The following CCDC30 variants were observed in gnomAD, a reference collection of about 807,000 sequenced individuals.
CCDC30 encodes the protein coiled-coil domain containing 30.
CCDC30 carries 70 observed loss-of-function variants against 100.2 expected under a neutral mutation model. That is an observed-to-expected ratio of 0.70 (90% CI 0.58 to 0.85). The LOEUF is 0.85. Ranked by LOEUF, CCDC30 falls within the 40% of genes least tolerant of loss-of-function variation. The pLI is 0.00. For synonymous variants in CCDC30, 233 were observed against 269.5 expected (o/e 0.86, Z 1.33); for missense variants, 652 against 771.2 (o/e 0.85, Z 1.83).
intron 1 of CCDC30, among the ~76,000 whole-genome samples, chr1:42,468,236 T>C (rs1643654850): frequency 6.6e-6 from 1 of 152,184 alleles, no homozygotes; most frequent in Admixed American, 6.5e-5. Flanking sequence ...TAAAACAATC[T>C]ATAACTGGTG....
At chr1:42,509,538 G>T (rs1186496192) in intron 6 of CCDC30, among the ~76,000 whole-genome samples, 2 of 152,108 alleles carry the variant, frequency 1.3e-5, no homozygotes, top group Non-Finnish European at 2.9e-5. Context: ...CAATGGTGGG[G>T]ACTAAAACAA....
At chr1:42,499,393 G>A (rs1207402681) in intron 6 of CCDC30, among the ~76,000 whole-genome samples, 16 of 152,102 alleles carry the variant, frequency 1.1e-4, no homozygotes, top group Admixed American at 9.8e-4. Flanking sequence ...ATTTATATAT[G>A]TTCTTTTGTG....
chr1:42,621,613 G>A (rs550331252), intron 11 of CCDC30, among the ~76,000 whole-genome samples: 3 of 152,132 alleles, frequency 2.0e-5, no homozygotes, highest in East Asian at 3.9e-4. Flanking sequence ...CCGGGTTCAC[G>A]CCATTCTCCT....
chr1:42,501,096 TTATC>T (rs1314942470), intron 6 of CCDC30, among the ~76,000 whole-genome samples: 19 of 152,322 alleles, frequency 1.2e-4, no homozygotes, highest in Admixed American at 5.2e-4. Flanking sequence ...TAAGAAATCT[TTATC>T]TACTCTAAGG....
intron 10 of CCDC30, among the ~76,000 whole-genome samples, chr1:42,610,540 C>A (rs1036207504): frequency 5.3e-5 from 8 of 152,198 alleles, no homozygotes; most frequent in African/African-American, 1.9e-4. Context: ...TCTCCTACTT[C>A]AGCCTCCCAT....
intron 1 of CCDC30, among the ~76,000 whole-genome samples, chr1:42,464,927 C>T (rs1263014650): frequency 6.6e-6 from 1 of 152,144 alleles, no homozygotes; most frequent in African/African-American, 2.4e-5. Context: ...TCAGCTTTCT[C>T]CTCTAGAATA....
chr1:42,586,803 G>T (rs1206635011), intron 9 of CCDC30, among the ~76,000 whole-genome samples: 1 of 152,116 alleles, frequency 6.6e-6, no homozygotes. Flanking sequence ...TGATTAGTTT[G>T]CAATTTAGAA....
chr1:42,613,782 G>A (rs1264455547), intron 11 of CCDC30, among the ~76,000 whole-genome samples: 1 of 152,076 alleles, frequency 6.6e-6, no homozygotes, highest in Non-Finnish European at 1.5e-5. Context: ...GCTGGTTTTG[G>A]CTGGCTTCTT....
exon 1 of CCDC30, chr1:42,463,752 CG>C (rs1421065887): frequency 6.6e-6 from 1 of 152,272 alleles, no homozygotes; most frequent in African/African-American, 2.4e-5. Context: ...ACGAAGTCCA[CG>C]GAGGGGCAGC....
chr1:42,581,554 C>T, intron 9 of CCDC30, 40 bp downstream of exon 13: 2 of 1,574,404 alleles, frequency 1.3e-6, no homozygotes, highest in Admixed American at 1.9e-5. Flanking sequence ...TGGGTTTAGC[C>T]ATGACTGAGT....
intron 6 of CCDC30, among the ~76,000 whole-genome samples, chr1:42,512,251 G>A (rs895350640): frequency 7.2e-5 from 11 of 152,188 alleles, no homozygotes; most frequent in Non-Finnish European, 1.3e-4. Flanking sequence ...GGCGTCAAGG[G>A]CATCATGAGC....
intron 11 of CCDC30, among the ~76,000 whole-genome samples, chr1:42,635,142 G>A (rs1279320332): frequency 6.6e-6 from 1 of 152,122 alleles, no homozygotes; most frequent in East Asian, 1.9e-4. Context: ...TGCAACCTCC[G>A]CCTCCTGGGT....
intron 6 of CCDC30, among the ~76,000 whole-genome samples, chr1:42,514,813 C>A (rs988623024): frequency 2.0e-5 from 3 of 152,040 alleles, no homozygotes; most frequent in Non-Finnish European, 4.4e-5. Context: ...GCCATCATAC[C>A]CAGCTAATTT....
the CCDC30 span, among the ~76,000 whole-genome samples, chr1:42,458,126 G>T: frequency 6.6e-6 from 1 of 152,158 alleles, no homozygotes; most frequent in East Asian, 1.9e-4. Flanking sequence ...GGCTTGCTTT[G>T]TAGAAGACTT....
intron 11 of CCDC30, among the ~76,000 whole-genome samples, chr1:42,622,676 G>A (rs568003342): frequency 6.0e-4 from 91 of 151,288 alleles, no homozygotes; most frequent in African/African-American, 8.0e-4. Context: ...ATGGGGTTTC[G>A]CCATGTTGGC....
At chr1:42,581,330 G>T in intron 8 of CCDC30, 30 bp from the exon 13 acceptor site, 1 of 1,570,932 alleles carries the variant, frequency 6.4e-7, no homozygotes, top group Non-Finnish European at 8.6e-7. Flanking sequence ...TCTTCTTAAT[G>T]CTTTACTTGT....
chr1:42,572,839 G>A (rs550289450), intron 7 of CCDC30, among the ~76,000 whole-genome samples: 5 of 152,174 alleles, frequency 3.3e-5, no homozygotes, highest in South Asian at 4.2e-4. Flanking sequence ...GGCTGGCCTC[G>A]AACTCCTGAC....
At chr1:42,461,550 CTTTT>C (rs34955190), upstream of CCDC30, among the ~76,000 whole-genome samples, 2 of 140,580 alleles carry the variant, frequency 1.4e-5, no homozygotes, top group Non-Finnish European at 3.1e-5. Flanking sequence ...TACCCAGGCT[CTTTT>C]TTTTTTTTTT....
intron 7 of CCDC30, among the ~76,000 whole-genome samples, chr1:42,567,942 TA>T (rs200308278): frequency 5.0e-4 from 76 of 151,442 alleles, no homozygotes; most frequent in Non-Finnish European, 3.7e-4. Context: ...GCAGTAAATT[TA>T]AAAAAAAAGA....
Sources: gnomAD v4.1 joint callset for allele counts (sites outside exome capture counted in the v4.1 genomes callset) on GRCh38, gnomAD v4.1.1 for gene constraint, MANE v1.5 for transcripts, NCBI Gene and HGNC (gene_info 2026-07-23, HGNC 2026-07-21) for gene names.